The following GMEB1 variants were observed in gnomAD, a reference collection of about 807,000 sequenced individuals.
GMEB1 encodes glucocorticoid modulatory element binding protein 1, also known as glucocorticoid modulatory element-binding protein 1.
In GMEB1, 6 loss-of-function variants were observed where a neutral mutation model predicts 52.4. The observed-to-expected ratio is 0.11, with a 90% confidence interval of 0.06 to 0.23. The LOEUF (loss-of-function observed/expected upper bound fraction) is 0.23, where lower values mean the gene tolerates loss of function less well. Among genes scored for constraint, GMEB1 ranks in the 10% least tolerant of loss-of-function variants. The probability of loss-of-function intolerance (pLI) is 1.00; values close to 1 mark genes in which losing one functional copy is unlikely to be tolerated. For missense variants in GMEB1, 486 were observed against 685.6 expected (o/e 0.71, Z 3.25); for synonymous variants, 255 against 244.9 (o/e 1.04, Z -0.38).
chr1:28,688,713 C>T (rs1048505377), intron 2 of GMEB1, among the ~76,000 whole-genome samples: 22 of 151,824 alleles, frequency 1.4e-4, no homozygotes, highest in Non-Finnish European at 1.6e-4. Flanking sequence ...AACACCCCCC[C>T]ACCACCCACC....
intron 8 of GMEB1, among the ~76,000 whole-genome samples, chr1:28,706,085 C>T (rs868568789): frequency 3.3e-5 from 5 of 151,722 alleles, no homozygotes; most frequent in Admixed American, 6.6e-5. Flanking sequence ...ACCCGGGAGG[C>T]AGAACATGCA....
chr1:28,679,691 T>C (rs1669309156), intron 1 of GMEB1, among the ~76,000 whole-genome samples: 1 of 152,058 alleles, frequency 6.6e-6, no homozygotes, highest in African/African-American at 2.4e-5. Context: ...GAACTGGCCA[T>C]AATGATGAGC....
intron 1 of GMEB1, among the ~76,000 whole-genome samples, chr1:28,680,335 G>GTT (rs1268539606): frequency 6.6e-6 from 1 of 152,180 alleles, no homozygotes; most frequent in African/African-American, 2.4e-5. Context: ...GTTTACAAAG[G>GTT]TTTAGATAAG....
intron 9 of GMEB1, among the ~76,000 whole-genome samples, chr1:28,713,185 C>T (rs528835279): frequency 6.5e-4 from 99 of 151,886 alleles, no homozygotes; most frequent in African/African-American, 1.9e-3. Flanking sequence ...AGACATTTAC[C>T]GCTCTGGAGA....
At position 28,693,436 on chromosome 1, in the gene GMEB1, C is replaced by T. The variant is rs564072171; in HGVS notation, c.440+391C>T. On this transcript the variant is annotated intron_variant, in intron 5 of 9. Coordinates refer to ENST00000373816, the MANE Select transcript of GMEB1 (RefSeq NM_001319674.2). ...GTTTCACCATGTTGGTCAGGCTGATCTTAAACTCGTGACCTCATGATCCAC... is the reference window on the plus strand; with the variant it reads ...GTTTCACCATGTTGGTCAGGCTGATTTTAAACTCGTGACCTCATGATCCAC... Among the ~76,000 whole-genome samples the T allele has an allele frequency of 3.3e-5, 5 of 152,050 alleles. No homozygotes were observed. The South Asian group carries it at 1.0e-3, about 32-fold the overall frequency.
intron 1 of GMEB1, among the ~76,000 whole-genome samples, chr1:28,676,758 A>C (rs1410905407): frequency 2.0e-5 from 3 of 151,830 alleles, no homozygotes; most frequent in African/African-American, 7.3e-5. Context: ...AATACAAATA[A>C]AGATATTGTA....
At chr1:28,703,814 T>G (rs1201136043) in intron 7 of GMEB1, among the ~76,000 whole-genome samples, 3 of 152,166 alleles carry the variant, frequency 2.0e-5, no homozygotes, top group Non-Finnish European at 4.4e-5. Context: ...ATTTCTTTAC[T>G]ATTTAACTTT....
At chr1:28,692,785 C>G (rs1490981636) in intron 4 of GMEB1, among the ~76,000 whole-genome samples, 157 bp from the exon 5 acceptor site, 2 of 152,134 alleles carry the variant, frequency 1.3e-5, no homozygotes, top group Admixed American at 6.6e-5. Flanking sequence ...GGATCGTCTT[C>G]TCTAACACAA....
At chr1:28,697,299 C>G (rs1670272529) in intron 6 of GMEB1, among the ~76,000 whole-genome samples, 1 of 151,404 alleles carries the variant, frequency 6.6e-6, no homozygotes, top group African/African-American at 2.4e-5. Flanking sequence ...ACCTCTGCCT[C>G]CTGGGTTCAA....
chr1:28,687,645 A>T (rs920094853), intron 2 of GMEB1, among the ~76,000 whole-genome samples: 20 of 152,070 alleles, frequency 1.3e-4, no homozygotes, highest in African/African-American at 4.3e-4. Context: ...TCACATGATT[A>T]ATCTGGTGGG....
Position 28,691,600 on chromosome 1 carries a change from A to G in GMEB1, c.227A>G (p.Glu76Gly). The G allele has an allele frequency of 6.4e-7, 1 of 1,559,928 alleles. No homozygotes were observed. The highest frequency in any genetic ancestry group is 8.7e-7 in the Non-Finnish European group (1 of 1,143,962). ...IEEGIDTGTI[E>G]ANEDMEIAYP... is the part of the protein sequence containing the mutation. ...CTGTTTTCAGATACAGGCACTATAG[A>G]AGCAAATGAGGATATGGAAATTGCT... is the stretch of plus-strand genomic sequence containing the variant. The change falls in exon 4 of 10, where the codon GAA becomes GGA. Residue 76 changes from glutamate to glycine, a missense_variant. Coordinates refer to ENST00000373816, the MANE Select transcript of GMEB1 (RefSeq NM_001319674.2).
intron 1 of GMEB1, among the ~76,000 whole-genome samples, chr1:28,673,533 G>A (rs1307070582): frequency 6.6e-6 from 1 of 152,194 alleles, no homozygotes; most frequent in East Asian, 1.9e-4. Flanking sequence ...GGGATTACAG[G>A]CGTGAGCCAC....
chr1:28,710,498 G>A (rs748004808), intron 8 of GMEB1, 22 bp from the exon 9 acceptor site: 3 of 1,574,584 alleles, frequency 1.9e-6, no homozygotes, highest in Non-Finnish European at 2.6e-6. Context: ...AACTGGACAG[G>A]CATGTCTTTT....
intron 1 of GMEB1, among the ~76,000 whole-genome samples, chr1:28,682,967 A>G (rs1175332244): frequency 6.6e-6 from 1 of 152,160 alleles, no homozygotes; most frequent in Admixed American, 6.6e-5. Context: ...TAGTGTCACT[A>G]AACTCGAAGT....
chr1:28,690,785 A>C (rs1224719170), intron 3 of GMEB1, among the ~76,000 whole-genome samples: 1 of 152,062 alleles, frequency 6.6e-6, no homozygotes, highest in African/African-American at 2.4e-5. Context: ...GTTTGAGACC[A>C]GCCTGGCCAA....
At chr1:28,692,514 G>C (rs564133878) in intron 4 of GMEB1, among the ~76,000 whole-genome samples, 2 of 151,382 alleles carry the variant, frequency 1.3e-5, no homozygotes, top group East Asian at 3.9e-4. Flanking sequence ...CTAGGTGACA[G>C]AGTGAGACTC....
At chr1:28,713,474 T>C (rs1671155026) in intron 9 of GMEB1, among the ~76,000 whole-genome samples, 1 of 152,192 alleles carries the variant, frequency 6.6e-6, no homozygotes, top group African/African-American at 2.4e-5. Flanking sequence ...CCAATCTTCA[T>C]AACCTTAAAT....
At chr1:28,708,878 T>C (rs1323132410) in intron 8 of GMEB1, among the ~76,000 whole-genome samples, 1 of 148,798 alleles carries the variant, frequency 6.7e-6, no homozygotes, top group Non-Finnish European at 1.5e-5. Flanking sequence ...TCGCCTGTAA[T>C]CCCAGCACTT....
chr1:28,710,714 T>A (rs1014318548), intron 9 of GMEB1, 72 bp downstream of exon 9: 4 of 1,171,566 alleles, frequency 3.4e-6, no homozygotes, highest in Non-Finnish European at 4.5e-6. Flanking sequence ...TCTTGTTGAC[T>A]TTTGTTGGGG....
Sources: gnomAD v4.1 joint callset for allele counts (sites outside exome capture counted in the v4.1 genomes callset) on GRCh38, gnomAD v4.1.1 for gene constraint, MANE v1.5 for transcripts, NCBI Gene and HGNC (gene_info 2026-07-23, HGNC 2026-07-21) for gene names.